Variants in DLG2 observed in about 807,000 individuals in gnomAD.
DLG2 encodes discs large MAGUK scaffold protein 2.
DLG2 carries 45 observed loss-of-function variants against 132.5 expected under a neutral mutation model. The observed-to-expected ratio is 0.34, with a 90% confidence interval of 0.27 to 0.44. The LOEUF is 0.44. Ranked by LOEUF, DLG2 falls within the 20% of genes least tolerant of loss-of-function variation. The probability of loss-of-function intolerance (pLI) is 1.00; values close to 1 mark genes in which losing one functional copy is unlikely to be tolerated. For synonymous variants in DLG2, 424 were observed against 419.6 expected, an observed-to-expected ratio of 1.01 and a Z score of -0.13; for missense variants, 1,045 against 1,196.9, an observed-to-expected ratio of 0.87 and a Z score of 1.87.
At chr11:85,259,749 C>T (rs527526959) in intron 4 of DLG2, among the ~76,000 whole-genome samples, 4 of 151,890 alleles carry the variant, frequency 2.6e-5, no homozygotes, top group African/African-American at 9.7e-5. Context: ...AATCCCCTGG[C>T]CAGAAATTGC....
intron 11 of DLG2, among the ~76,000 whole-genome samples, chr11:84,040,842 C>A (rs2096056884): frequency 6.6e-6 from 1 of 151,876 alleles, no homozygotes; most frequent in Admixed American, 6.6e-5. Context: ...ATTGATTCTT[C>A]CTACGCATGA....
intron 6 of DLG2, among the ~76,000 whole-genome samples, chr11:84,889,780 G>A (rs376784473): frequency 1.2e-4 from 18 of 152,216 alleles, no homozygotes; most frequent in Middle Eastern, 3.4e-3. Flanking sequence ...AGGTGCTTGC[G>A]CAATGGCATG....
chr11:84,902,942 A>G (rs1163894755), intron 6 of DLG2, among the ~76,000 whole-genome samples: 2 of 135,492 alleles, frequency 1.5e-5, no homozygotes, highest in Non-Finnish European at 3.3e-5. Context: ...ATCTTTCTTC[A>G]TTAGGGTTCT....
intron 3 of DLG2, among the ~76,000 whole-genome samples, chr11:85,301,905 T>G (rs1049371026): frequency 6.6e-6 from 1 of 152,254 alleles, no homozygotes; most frequent in African/African-American, 2.4e-5. Flanking sequence ...TATCCCTCCC[T>G]GTCATAAAAT....
chr11:85,533,007 T>TTG (rs2075315633), intron 3 of DLG2, among the ~76,000 whole-genome samples: 64 of 151,238 alleles, frequency 4.2e-4, no homozygotes, highest in African/African-American at 1.5e-3. Flanking sequence ...CTAAGGTGTT[T>TTG]TTGTTGTTGT....
intron 19 of DLG2, among the ~76,000 whole-genome samples, chr11:83,589,248 G>A (rs1185536663): frequency 2.0e-5 from 3 of 151,298 alleles, no homozygotes; most frequent in South Asian, 2.1e-4. Context: ...GAGAAAGGTC[G>A]GGTTACCCTC....
intron 18 of DLG2, among the ~76,000 whole-genome samples, chr11:83,751,480 A>T (rs901252204): frequency 2.0e-5 from 3 of 152,216 alleles, no homozygotes; most frequent in African/African-American, 7.2e-5. Flanking sequence ...AGGGAGAAAG[A>T]ACATAACCAA....
At chr11:84,688,133 A>T (rs2153720864) in intron 6 of DLG2, among the ~76,000 whole-genome samples, 1 of 152,330 alleles carries the variant, frequency 6.6e-6, no homozygotes, top group East Asian at 1.9e-4. Flanking sequence ...AAACAGCATG[A>T]GAACATGAAA....
intron 7 of DLG2, among the ~76,000 whole-genome samples, chr11:84,406,661 C>A (rs1185429340): frequency 1.3e-5 from 2 of 152,166 alleles, no homozygotes; most frequent in Non-Finnish European, 2.9e-5. Flanking sequence ...TAAGGCTGTT[C>A]AAAGAATTCC....
chr11:83,626,748 G>A (rs912798332), intron 19 of DLG2, among the ~76,000 whole-genome samples: 1 of 152,154 alleles, frequency 6.6e-6, no homozygotes, highest in Non-Finnish European at 1.5e-5. Context: ...TGGAGACTTG[G>A]AATGGCCTAC....
chr11:83,789,502 AC>A (rs1463731841), intron 17 of DLG2, among the ~76,000 whole-genome samples: 1 of 151,418 alleles, frequency 6.6e-6, no homozygotes, highest in African/African-American at 2.4e-5. Flanking sequence ...ACCAAAATAA[AC>A]CCAAGACACC....
chr11:85,360,113 G>A (rs1333275178), intron 3 of DLG2, among the ~76,000 whole-genome samples: 1 of 152,118 alleles, frequency 6.6e-6, no homozygotes, highest in African/African-American at 2.4e-5. Flanking sequence ...CAGTTGGACG[G>A]AAAAGTCCTC....
intron 19 of DLG2, among the ~76,000 whole-genome samples, chr11:83,584,043 C>T (rs1352794544): frequency 6.6e-6 from 1 of 152,138 alleles, no homozygotes; most frequent in Non-Finnish European, 1.5e-5. Context: ...TCTTCTGATT[C>T]ACATTAATTT....
At chr11:83,909,971 A>T (rs2075763992) in intron 15 of DLG2, among the ~76,000 whole-genome samples, 1 of 152,144 alleles carries the variant, frequency 6.6e-6, no homozygotes, top group African/African-American at 2.4e-5. Flanking sequence ...ATTCTAATTA[A>T]ATTTGCTATC....
chr11:83,681,989 C>A, intron 18 of DLG2: 1 of 267,114 alleles, frequency 3.7e-6, no homozygotes, highest in Non-Finnish European at 5.8e-6. Context: ...GATTCATCGG[C>A]TTTTCTTTCA....
At chr11:84,304,541 G>A (rs2098193748) in intron 7 of DLG2, among the ~76,000 whole-genome samples, 1 of 152,152 alleles carries the variant, frequency 6.6e-6, no homozygotes, top group East Asian at 1.9e-4. Context: ...TAACGGGTTG[G>A]ATAATAAATA....
At chr11:84,431,007 A>G (rs1237233661) in intron 7 of DLG2, among the ~76,000 whole-genome samples, 2 of 152,160 alleles carry the variant, frequency 1.3e-5, no homozygotes, top group Admixed American at 6.5e-5. Context: ...TCAATCTACT[A>G]TGAGGCAAAA....
At chr11:83,791,001 C>G in intron 17 of DLG2, 8 of 793,896 alleles carry the variant, frequency 1.0e-5, no homozygotes, top group South Asian at 1.6e-5. Context: ...AGAAGCCGAG[C>G]TTTTCAGTGA....
intron 6 of DLG2, among the ~76,000 whole-genome samples, chr11:84,653,956 C>T (rs886516964): frequency 2.0e-4 from 31 of 152,156 alleles, no homozygotes; most frequent in African/African-American, 7.0e-4. Flanking sequence ...GCCTTAGGTA[C>T]CTCATGCAAA....
Sources: gnomAD v4.1 joint callset for allele counts (sites outside exome capture counted in the v4.1 genomes callset) on GRCh38, gnomAD v4.1.1 for gene constraint, MANE v1.5 for transcripts, NCBI Gene and HGNC (gene_info 2026-07-23, HGNC 2026-07-21) for gene names.